VWA3B: variants seen among roughly 807,000 people sequenced by gnomAD.
The protein encoded by VWA3B is von Willebrand factor A domain-containing protein 3B.
Under a neutral mutation model 158.3 loss-of-function variants are expected in VWA3B, and 138 were observed. That is an observed-to-expected ratio of 0.87 (90% confidence interval 0.76 to 1.00). The LOEUF is 1.00. Among genes scored for constraint, VWA3B ranks in the 50% least tolerant of loss-of-function variants. The pLI, the probability that VWA3B is intolerant of heterozygous loss-of-function variation, is 0.00. For missense variants in VWA3B, 1,555 were observed against 1,565.1 expected (o/e 0.99, Z 0.11); for synonymous variants, 596 against 587.3 (o/e 1.01, Z -0.21).
chr2:98,173,675 G>A (rs1679777748), intron 8 of VWA3B, among the ~76,000 whole-genome samples: 1 of 152,168 alleles, frequency 6.6e-6, no homozygotes, highest in East Asian at 1.9e-4. Context: ...GTTAAAAAAT[G>A]ACTGTGGAGG....
chr2:98,270,115 A>C (rs1177563625), intron 21 of VWA3B, among the ~76,000 whole-genome samples: 1 of 151,738 alleles, frequency 6.6e-6, no homozygotes, highest in African/African-American at 2.4e-5. Flanking sequence ...CCTGCTTATC[A>C]GCCATAGAAA....
At chr2:98,186,158 ATT>A (rs377014875) in intron 9 of VWA3B, among the ~76,000 whole-genome samples, 4 of 128,364 alleles carry the variant, frequency 3.1e-5, no homozygotes, top group Non-Finnish European at 3.2e-5. Flanking sequence ...ACTTCCTTGA[ATT>A]TTTTTTTTTT....
intron 6 of VWA3B, among the ~76,000 whole-genome samples, chr2:98,131,020 C>A (rs1675827723): frequency 1.3e-5 from 2 of 152,082 alleles, no homozygotes; most frequent in Non-Finnish European, 2.9e-5. Context: ...AACATTAGAG[C>A]CTACTCCTTC....
intron 19 of VWA3B, chr2:98,245,562 T>C (rs1055220314): frequency 6.6e-6 from 3 of 456,874 alleles, no homozygotes; most frequent in African/African-American, 6.0e-5. Context: ...AAGCACACAA[T>C]GGCCACGAAA....
chr2:98,194,290 A>G (rs1681844772), intron 11 of VWA3B, 71 bp from the exon 12 acceptor site: 1 of 1,506,284 alleles, frequency 6.6e-7, no homozygotes, highest in Non-Finnish European at 9.1e-7. Context: ...AAATATATCA[A>G]ACTGTGGCCT....
intron 19 of VWA3B, among the ~76,000 whole-genome samples, chr2:98,241,074 G>C (rs1347477645): frequency 6.6e-6 from 1 of 152,124 alleles, no homozygotes; most frequent in Non-Finnish European, 1.5e-5. Context: ...GGGAAGTGCT[G>C]AGTGAAGATG....
At chr2:98,100,046 C>T (rs750326323) in intron 2 of VWA3B, among the ~76,000 whole-genome samples, 5 of 152,062 alleles carry the variant, frequency 3.3e-5, no homozygotes, top group Non-Finnish European at 5.9e-5. Flanking sequence ...GTTGTCAGGC[C>T]GTTCATACAT....
At chr2:98,252,760 G>C (rs1686877474) in intron 20 of VWA3B, among the ~76,000 whole-genome samples, 1 of 152,126 alleles carries the variant, frequency 6.6e-6, no homozygotes, top group Admixed American at 6.5e-5. Context: ...GGAAAGGACA[G>C]GGAGCCCCTT....
rs1160677398 is a variant in VWA3B at position 98,152,603 on chromosome 2, C to A, written c.989-10248C>A. On this transcript the variant is annotated intron_variant, in intron 7 of 27. Coordinates refer to ENST00000477737, the MANE Select transcript of VWA3B (RefSeq NM_144992.5). ...TTATTTTGGTTCTCTTCCTGTATAT[C>A]CTTGAAAATTTACTTAAACTGAAAT... is the stretch of plus-strand genomic sequence containing the variant. Among the ~76,000 whole-genome samples the A allele has an allele frequency of 1.3e-5, 2 of 152,178 alleles. 1 individual carries two copies. The highest frequency in any genetic ancestry group is 3.8e-4 in the East Asian group (2 of 5,196).
At chr2:98,097,380 C>A (rs1191173164) in intron 2 of VWA3B, among the ~76,000 whole-genome samples, 3 of 152,194 alleles carry the variant, frequency 2.0e-5, no homozygotes, top group African/African-American at 7.2e-5. Context: ...TGAGTTGCTT[C>A]ACTTAAAATA....
At chr2:98,310,974 G>T (rs1690851404) in intron 26 of VWA3B, among the ~76,000 whole-genome samples, 1 of 152,136 alleles carries the variant, frequency 6.6e-6, no homozygotes, top group Non-Finnish European at 1.5e-5. Context: ...CTACTTTATT[G>T]TTTTGTTTTT....
intron 8 of VWA3B, among the ~76,000 whole-genome samples, chr2:98,164,091 C>G (rs1035787130): frequency 6.6e-6 from 1 of 152,158 alleles, no homozygotes; most frequent in Non-Finnish European, 1.5e-5. Context: ...AAATCCCATC[C>G]ACGCTGTCTG....
At chr2:98,142,727 CTTAA>C (rs1385355719) in intron 7 of VWA3B, among the ~76,000 whole-genome samples, 1 of 152,164 alleles carries the variant, frequency 6.6e-6, no homozygotes, top group Non-Finnish European at 1.5e-5. Flanking sequence ...ACTGAGATAA[CTTAA>C]TTAGTTACTC....
chr2:98,253,666 T>C (rs1686943436), intron 20 of VWA3B, among the ~76,000 whole-genome samples: 1 of 152,172 alleles, frequency 6.6e-6, no homozygotes, highest in Non-Finnish European at 1.5e-5. Flanking sequence ...CGGCTGCTTC[T>C]TGGCCTTCTG....
chr2:98,111,188 G>A (rs996541053), intron 2 of VWA3B, among the ~76,000 whole-genome samples: 2 of 152,164 alleles, frequency 1.3e-5, no homozygotes, highest in Non-Finnish European at 2.9e-5. Context: ...AAAGTGAGAA[G>A]ATGTAGTTTT....
chr2:98,129,220 A>T (rs1478267645), intron 6 of VWA3B, among the ~76,000 whole-genome samples: 2 of 115,908 alleles, frequency 1.7e-5, no homozygotes, highest in Non-Finnish European at 3.8e-5. Flanking sequence ...AGAGAGAGAG[A>T]GAGAGTGTGT....
At chr2:98,194,214 A>G in intron 11 of VWA3B, 147 bp from the exon 12 acceptor site, 2 of 661,932 alleles carry the variant, frequency 3.0e-6, no homozygotes, top group East Asian at 3.0e-5. Context: ...TTTATACTAG[A>G]TAGGATATTC....
At chr2:98,266,890 T>G (rs1470456173) in intron 21 of VWA3B, among the ~76,000 whole-genome samples, 9 of 149,156 alleles carry the variant, frequency 6.0e-5, no homozygotes, top group African/African-American at 2.2e-4. Context: ...TTTTGTACAT[T>G]GATTTTGTAT....
intron 16 of VWA3B, 121 bp downstream of exon 16, chr2:98,230,328 A>C (rs1032483727): frequency 3.9e-6 from 4 of 1,014,882 alleles, no homozygotes; most frequent in Admixed American, 3.6e-5. Context: ...TTTTAAATTA[A>C]AATTTTTATT....
Sources: gnomAD v4.1 joint callset for allele counts (sites outside exome capture counted in the v4.1 genomes callset) on GRCh38, gnomAD v4.1.1 for gene constraint, MANE v1.5 for transcripts, NCBI Gene and HGNC (gene_info 2026-07-23, HGNC 2026-07-21) for gene names.